RGPD2: variants seen among roughly 807,000 people sequenced by gnomAD.
RGPD2 encodes the protein RANBP2-like and GRIP domain-containing protein 2.
A neutral mutation model predicts 36.0 loss-of-function variants in RGPD2; 2 were observed. The observed-to-expected ratio is 0.06, with a 90% CI of 0.02 to 0.17. RGPD2 has a LOEUF of 0.17. Ranked by LOEUF, RGPD2 falls within the 10% of genes least tolerant of loss-of-function variation. The pLI is 1.00. For missense variants in RGPD2, 40 were observed against 464.3 expected, an observed-to-expected ratio of 0.09 and a Z score of 8.40; for synonymous variants, 19 against 163.8, an observed-to-expected ratio of 0.12 and a Z score of 6.75.
chr2:87,972,310 CTA>C, the RGPD2 span, among the ~76,000 whole-genome samples: 2 of 120,424 alleles, frequency 1.7e-5, no homozygotes, highest in South Asian at 3.2e-4. Flanking sequence ...TTTAAAACTT[CTA>C]GTCATTTATA....
At chr2:87,813,248 C>G (rs1686174907) in intron 4 of RGPD2, among the ~76,000 whole-genome samples, 1 of 152,074 alleles carries the variant, frequency 6.6e-6, no homozygotes, top group Non-Finnish European at 1.5e-5. Context: ...TCCTCAGAAC[C>G]CTCCCAACTG....
the RGPD2 span, among the ~76,000 whole-genome samples, chr2:87,849,312 T>C: frequency 3.3e-5 from 5 of 151,226 alleles, no homozygotes; most frequent in Non-Finnish European, 7.4e-5. Context: ...CTATTATAGT[T>C]AGTTGAGATG....
the RGPD2 span, among the ~76,000 whole-genome samples, chr2:87,957,755 G>A: frequency 6.6e-6 from 1 of 152,288 alleles, no homozygotes; most frequent in African/African-American, 2.4e-5. Context: ...CTTCTTCATT[G>A]TGGTTTTCTT....
At chr2:87,781,591 G>C (rs2104282484) in intron 20 of RGPD2, among the ~76,000 whole-genome samples, 1 of 150,756 alleles carries the variant, frequency 6.6e-6, no homozygotes, top group African/African-American at 2.4e-5. Context: ...CTCCTGAGTA[G>C]CTGCTAATTA....
chr2:87,964,389 T>A, the RGPD2 span, among the ~76,000 whole-genome samples: 1 of 151,834 alleles, frequency 6.6e-6, no homozygotes, highest in African/African-American at 2.4e-5. Flanking sequence ...CAAATAAAAA[T>A]TGTATACCTT....
the RGPD2 span, among the ~76,000 whole-genome samples, chr2:87,843,790 T>C: frequency 6.6e-6 from 1 of 152,060 alleles, no homozygotes; most frequent in Non-Finnish European, 1.5e-5. Context: ...CTATTCACAA[T>C]AGCAAAGACT....
At chr2:87,836,270 A>G in the RGPD2 span, among the ~76,000 whole-genome samples, 15 of 151,020 alleles carry the variant, frequency 9.9e-5, no homozygotes, top group East Asian at 1.4e-3. Context: ...AGGAAGGAAG[A>G]AAGAAGAAAG....
the RGPD2 span, among the ~76,000 whole-genome samples, chr2:87,852,448 C>A: frequency 6.6e-6 from 1 of 151,972 alleles, no homozygotes; most frequent in South Asian, 2.1e-4. Context: ...TGACAGCATT[C>A]TCATTAGAAA....
chr2:87,825,506 G>GTC (rs1350613485), intron 1 of RGPD2, among the ~76,000 whole-genome samples, 152 bp downstream of exon 1: 22 of 58,584 alleles, frequency 3.8e-4, no homozygotes, highest in Non-Finnish European at 6.7e-4. Flanking sequence ...CCGAGGCCGA[G>GTC]GCCGAGGCCG....
chr2:87,974,470 T>A, the RGPD2 span, among the ~76,000 whole-genome samples: 32 of 152,100 alleles, frequency 2.1e-4, no homozygotes, highest in East Asian at 5.6e-3. Flanking sequence ...ACCTTTATTT[T>A]TCTTTACTGC....
upstream of RGPD2, among the ~76,000 whole-genome samples, chr2:87,830,181 C>CAAG (rs1672443256): frequency 6.6e-6 from 1 of 152,002 alleles, no homozygotes; most frequent in Admixed American, 6.6e-5. Context: ...CACACTGATG[C>CAAG]AAGAGGTAGG....
At chr2:87,874,064 GTT>G in the RGPD2 span, among the ~76,000 whole-genome samples, 1 of 144,858 alleles carries the variant, frequency 6.9e-6, no homozygotes, top group Non-Finnish European at 1.5e-5. Flanking sequence ...TTTGCCTATG[GTT>G]TTTTTTTTCT....
the RGPD2 span, among the ~76,000 whole-genome samples, chr2:87,912,062 T>G: frequency 8.7e-6 from 1 of 114,590 alleles, no homozygotes. Context: ...TACCAGGTTG[T>G]TTTTTTTTTA....
At chr2:87,966,186 T>A in the RGPD2 span, among the ~76,000 whole-genome samples, 1 of 152,262 alleles carries the variant, frequency 6.6e-6, no homozygotes, top group Non-Finnish European at 1.5e-5. Context: ...GTTATTCTTG[T>A]CTCACAGTCT....
At chr2:87,967,408 C>CA in the RGPD2 span, among the ~76,000 whole-genome samples, 31 of 121,032 alleles carry the variant, frequency 2.6e-4, no homozygotes, top group East Asian at 4.9e-4. Context: ...GACTCCATCT[C>CA]AAAAAAAAAA....
chr2:87,870,553 C>T, the RGPD2 span, among the ~76,000 whole-genome samples: 1 of 152,194 alleles, frequency 6.6e-6, no homozygotes, highest in East Asian at 1.9e-4. Flanking sequence ...TATCTTTTTC[C>T]ATGTGAGAAA....
the RGPD2 span, among the ~76,000 whole-genome samples, chr2:87,920,136 C>T: frequency 2.6e-5 from 4 of 151,588 alleles, no homozygotes; most frequent in African/African-American, 7.3e-5. Context: ...ACAAAGAAAC[C>T]GTGACCATAA....
At chr2:87,849,038 AC>A in the RGPD2 span, among the ~76,000 whole-genome samples, 8 of 152,248 alleles carry the variant, frequency 5.3e-5, no homozygotes, top group East Asian at 5.8e-4. Flanking sequence ...TTACAAAAAA[AC>A]ATTAAACATT....
chr2:87,988,761 G>T, the RGPD2 span, among the ~76,000 whole-genome samples: 1 of 151,634 alleles, frequency 6.6e-6, no homozygotes, highest in African/African-American at 2.4e-5. Context: ...GGCTGGTCTC[G>T]AACTACCGAC....
Sources: allele counts gnomAD v4.1 joint callset (sites outside exome capture counted in the v4.1 genomes callset), GRCh38; gene constraint gnomAD v4.1.1; transcripts MANE v1.5; gene names NCBI Gene and HGNC (gene_info 2026-07-23, HGNC 2026-07-21).